The following RBMS3 variants were observed in gnomAD, a reference collection of about 807,000 sequenced individuals.
RBMS3 encodes RNA-binding motif, single-stranded-interacting protein 3.
In RBMS3, 27 loss-of-function variants were observed where a neutral mutation model predicts 66.8. The observed-to-expected ratio is 0.40, with a 90% confidence interval of 0.30 to 0.56. The LOEUF is 0.56. Ranked by LOEUF, RBMS3 falls within the 20% of genes least tolerant of loss-of-function variation. The pLI, the probability that RBMS3 is intolerant of heterozygous loss-of-function variation, is 0.40. For synonymous variants in RBMS3, 188 were observed against 183.0 expected, an observed-to-expected ratio of 1.03 and a Z score of -0.22; for missense variants, 513 against 549.5, an observed-to-expected ratio of 0.93 and a Z score of 0.66.
chr3:29,763,770 A>G (rs1474868373), intron 6 of RBMS3, among the ~76,000 whole-genome samples: 1 of 152,116 alleles, frequency 6.6e-6, no homozygotes, highest in Non-Finnish European at 1.5e-5. Flanking sequence ...AAAGTTTTAA[A>G]TATAATTCCA....
chr3:29,490,531 G>T (rs948961374), intron 3 of RBMS3, among the ~76,000 whole-genome samples: 3 of 152,068 alleles, frequency 2.0e-5, no homozygotes, highest in Admixed American at 2.0e-4. Flanking sequence ...GTAGTAGTAG[G>T]TTTTGGGGAG....
intron 1 of RBMS3, among the ~76,000 whole-genome samples, chr3:29,316,099 AT>A (rs1247392509): frequency 5.3e-5 from 8 of 151,706 alleles, no homozygotes; most frequent in Non-Finnish European, 1.0e-4. Context: ...AAATAAAAAA[AT>A]ATTTCAGGAA....
At chr3:29,833,355 G>A (rs188206055) in intron 6 of RBMS3, among the ~76,000 whole-genome samples, 3 of 152,224 alleles carry the variant, frequency 2.0e-5, no homozygotes, top group Admixed American at 6.5e-5. Flanking sequence ...CTGGCAAATT[G>A]CCTTCAAAAG....
At chr3:29,606,296 G>A (rs1325911463) in intron 4 of RBMS3, among the ~76,000 whole-genome samples, 1 of 151,820 alleles carries the variant, frequency 6.6e-6, no homozygotes, top group South Asian at 2.1e-4. Context: ...TCCCATCAAG[G>A]TTTATGCAAA....
At chr3:29,885,745 C>T (rs1245582097) in intron 8 of RBMS3, among the ~76,000 whole-genome samples, 2 of 151,720 alleles carry the variant, frequency 1.3e-5, no homozygotes, top group Admixed American at 6.6e-5. Context: ...TATGTATGCA[C>T]ATGTGTGTAA....
chr3:29,868,554 C>T (rs1331773494), intron 6 of RBMS3, among the ~76,000 whole-genome samples: 1 of 152,192 alleles, frequency 6.6e-6, no homozygotes. Flanking sequence ...GAACACGTTT[C>T]TGACATTACT....
Position 29,588,746 on chromosome 3 carries a change from G to A in RBMS3, c.399+1541G>A, listed in dbSNP as rs182063660. ...TGAAGTTAGCATTTTTAATTAATAA[G>A]GAAATTATATACATGTCTTGGTTTA... On this transcript the variant is annotated intron_variant, in intron 4 of 14. Transcript: ENST00000383767. Among the ~76,000 whole-genome samples, 50 of 152,064 alleles carry A rather than the reference G, an allele frequency of 3.3e-4. No individual in the cohort carries two copies. The East Asian group carries it at 8.3e-3, about 25-fold the overall frequency.
At chr3:29,588,549 C>G (rs781148469) in intron 4 of RBMS3, among the ~76,000 whole-genome samples, 1 of 151,970 alleles carries the variant, frequency 6.6e-6, no homozygotes, top group Non-Finnish European at 1.5e-5. Context: ...ATCTGTTAAC[C>G]TTTTGTTGCA....
chr3:29,451,707 T>C (rs1030875106), intron 2 of RBMS3, among the ~76,000 whole-genome samples: 1 of 152,174 alleles, frequency 6.6e-6, no homozygotes, highest in Non-Finnish European at 1.5e-5. Context: ...TCAGAACTGA[T>C]TGGCAGTGTG....
rs549868354 is a variant in RBMS3 at position 29,743,206 on chromosome 3, C to G, written c.557+3329C>G. 2.5e-3 allele frequency among the ~76,000 whole-genome samples: 377 copies of G among 152,250 alleles called. 1 individual carries two copies. Among genetic ancestry groups the G allele is most frequent in the African/African-American group, 8.8e-3 (367 of 41,538 alleles). The stretch of plus-strand genomic sequence containing the variant: ...TTTTCTCAAGCAATTATGGCTTTTG[C>G]CTTAACTAATTTGATCATTCACAAC... On this transcript the variant is annotated intron_variant, in intron 5 of 14. Transcript: ENST00000383767.
At chr3:29,384,440 A>AT (rs2038916425) in intron 1 of RBMS3, among the ~76,000 whole-genome samples, 1 of 144,822 alleles carries the variant, frequency 6.9e-6, no homozygotes, top group Non-Finnish European at 1.6e-5. Flanking sequence ...AATAATAAGA[A>AT]GAAGAAGAAG....
At chr3:29,486,336 C>T (rs1362914931) in intron 2 of RBMS3, among the ~76,000 whole-genome samples, 2 of 152,092 alleles carry the variant, frequency 1.3e-5, no homozygotes, top group East Asian at 3.9e-4. Context: ...GTAACGGAGC[C>T]ATGGAATGAA....
chr3:29,808,382 T>C (rs1302441300), intron 6 of RBMS3, among the ~76,000 whole-genome samples: 3 of 152,040 alleles, frequency 2.0e-5, no homozygotes, highest in Non-Finnish European at 4.4e-5. Context: ...ATTGATATTG[T>C]GAACCACACA....
rs1324946313 is a variant in RBMS3 at position 29,283,351 on chromosome 3, A to G, written c.75+1595A>G. On this transcript the variant is annotated intron_variant, in intron 1 of 14. Transcript: ENST00000383767. ...ACTTTAGATTGAAATGAATAACATA[A>G]TTGTTTTTCTGTTTGAGACTTCTTT... is the stretch of plus-strand genomic sequence containing the variant. Among the ~76,000 whole-genome samples the G allele has an allele frequency of 2.0e-5, 3 of 152,120 alleles. No individual in the cohort carries two copies. In the East Asian group the frequency reaches 5.8e-4, roughly 29 times the overall value.
chr3:29,972,917 A>G (rs532812057), intron 12 of RBMS3, among the ~76,000 whole-genome samples: 1 of 152,184 alleles, frequency 6.6e-6, no homozygotes, highest in South Asian at 2.1e-4. Context: ...CTTTTTGATG[A>G]AGTCCCTCAG....
chr3:29,539,524 T>C (rs1429915080), intron 3 of RBMS3, among the ~76,000 whole-genome samples: 16 of 152,154 alleles, frequency 1.1e-4, no homozygotes, highest in Admixed American at 8.5e-4. Flanking sequence ...CTAATCTTCT[T>C]TGGACTCAAG....
intron 1 of RBMS3, among the ~76,000 whole-genome samples, chr3:29,433,146 C>A (rs1468847921): frequency 6.6e-6 from 1 of 151,666 alleles, no homozygotes; most frequent in Non-Finnish European, 1.5e-5. Context: ...TGTAGAGACA[C>A]AAAGTACATT....
At chr3:29,962,383 G>C (rs940840739) in intron 12 of RBMS3, among the ~76,000 whole-genome samples, 2 of 151,836 alleles carry the variant, frequency 1.3e-5, no homozygotes, top group African/African-American at 4.8e-5. Context: ...AAACCAGCAT[G>C]ATAGCTCATT....
chr3:29,521,888 C>G (rs1010046475), intron 3 of RBMS3, among the ~76,000 whole-genome samples: 1 of 152,118 alleles, frequency 6.6e-6, no homozygotes, highest in African/African-American at 2.4e-5. Context: ...TGCAGCTGAC[C>G]TTGTGTATTT....
Sources: gnomAD v4.1 joint callset for allele counts (sites outside exome capture counted in the v4.1 genomes callset) on GRCh38, gnomAD v4.1.1 for gene constraint, MANE v1.5 for transcripts, NCBI Gene and HGNC (gene_info 2026-07-23, HGNC 2026-07-21) for gene names.